Variants in KYNU observed in about 807,000 individuals in gnomAD.
The protein encoded by KYNU is kynureninase, also known as L-kynurenine hydrolase.
Under a neutral mutation model 59.2 loss-of-function variants are expected in KYNU, and 54 were observed. The observed-to-expected ratio is 0.91, with a 90% CI of 0.73 to 1.14. The LOEUF is 1.14. KYNU is among the 50% of genes most tolerant of loss of function. The pLI, the probability that KYNU is intolerant of heterozygous loss-of-function variation, is 0.00. For synonymous variants in KYNU, 177 were observed against 192.0 expected (o/e 0.92, Z 0.65); for missense variants, 567 against 554.4 (o/e 1.02, Z -0.23).
At chr2:143,016,730 T>C (rs1051853721) in intron 10 of KYNU, among the ~76,000 whole-genome samples, 2 of 152,156 alleles carry the variant, frequency 1.3e-5, no homozygotes, top group Non-Finnish European at 2.9e-5. Flanking sequence ...TATTTCTTAT[T>C]TTTTATTTTT....
intron 11 of KYNU, 105 bp from the exon 12 acceptor site, chr2:143,033,131 G>T: frequency 2.4e-6 from 2 of 825,486 alleles, no homozygotes; most frequent in South Asian, 1.4e-5. Flanking sequence ...TCCTACTTAG[G>T]AAGAAAAGTT....
intron 2 of KYNU, among the ~76,000 whole-genome samples, chr2:142,916,747 T>C (rs1682680290): frequency 6.6e-6 from 1 of 152,160 alleles, no homozygotes; most frequent in African/African-American, 2.4e-5. Flanking sequence ...TTCCAGGGAA[T>C]AAGAAGCAAA....
At chr2:142,918,493 A>T in intron 2 of KYNU, 116 bp from the exon 3 acceptor site, 3 of 1,154,272 alleles carry the variant, frequency 2.6e-6, no homozygotes, top group Non-Finnish European at 3.6e-6. Context: ...AGTAATTTTT[A>T]ATTACTTTTT....
chr2:142,896,810 C>T (rs74360662), intron 2 of KYNU, among the ~76,000 whole-genome samples: 6,277 of 152,194 alleles, frequency 0.041, 195 homozygotes, highest in South Asian at 0.12. Context: ...TGCATTTCAG[C>T]GTACAAGTTG....
At chr2:143,000,588 A>G (rs1685682410) in intron 10 of KYNU, among the ~76,000 whole-genome samples, 1 of 152,224 alleles carries the variant, frequency 6.6e-6, no homozygotes, top group Admixed American at 6.5e-5. Context: ...ATTTATTTTA[A>G]AGAAATGTTA....
chr2:142,895,771 A>G (rs1681851872), intron 2 of KYNU, among the ~76,000 whole-genome samples: 1 of 152,018 alleles, frequency 6.6e-6, no homozygotes, highest in African/African-American at 2.4e-5. Context: ...TGCAGCCTTG[A>G]TCTCCCTGGC....
intron 3 of KYNU, among the ~76,000 whole-genome samples, chr2:142,920,245 C>T (rs776183221): frequency 6.6e-6 from 1 of 152,100 alleles, no homozygotes; most frequent in South Asian, 2.1e-4. Flanking sequence ...AACTTTTATG[C>T]ATAATTTGCA....
intron 1 of KYNU, among the ~76,000 whole-genome samples, chr2:142,882,554 C>T (rs945686159): frequency 6.6e-6 from 1 of 152,100 alleles, no homozygotes; most frequent in African/African-American, 2.4e-5. Context: ...TGTTCAGTTC[C>T]CACCTGTGAG....
intron 4 of KYNU, chr2:142,947,964 G>A (rs1055284632): frequency 6.6e-6 from 1 of 152,010 alleles, no homozygotes; most frequent in Non-Finnish European, 1.5e-5. Context: ...GTCAGGCCTG[G>A]GTGCCTCTTT....
At chr2:142,936,034 G>A (rs532423801) in intron 4 of KYNU, among the ~76,000 whole-genome samples, 7 of 152,262 alleles carry the variant, frequency 4.6e-5, no homozygotes, top group South Asian at 2.1e-4. Context: ...TAAAGAAGGC[G>A]ATTGAGAGAA....
At chr2:143,023,091 G>T (rs1350123408) in intron 10 of KYNU, among the ~76,000 whole-genome samples, 1 of 151,558 alleles carries the variant, frequency 6.6e-6, no homozygotes, top group Non-Finnish European at 1.5e-5. Flanking sequence ...TTTTAAAATT[G>T]ATCTACAGTT....
chr2:142,905,552 G>A (rs978149029), intron 2 of KYNU, among the ~76,000 whole-genome samples: 1 of 152,192 alleles, frequency 6.6e-6, no homozygotes, highest in African/African-American at 2.4e-5. Flanking sequence ...ATTTTCAGTG[G>A]TTAGTGTTAA....
intron 4 of KYNU, among the ~76,000 whole-genome samples, chr2:142,951,082 C>G (rs556282915): frequency 6.6e-6 from 1 of 152,150 alleles, no homozygotes; most frequent in African/African-American, 2.4e-5. Flanking sequence ...AAAATAATTA[C>G]AGTATTAACA....
chr2:143,042,232 A>G lies in KYNU; in HGVS notation c.*60A>G. The G allele has an allele frequency of 4.0e-6, 6 of 1,513,532 alleles. No individual in the cohort carries two copies. The African/African-American group carries it at 8.2e-5, about 21-fold the overall frequency. The allele number at this position is 1,513,532 out of a possible 1,614,324, so 93.8% of individuals were successfully genotyped here. On this transcript the variant is annotated 3_prime_UTR_variant, in exon 14 of 14. Transcript: ENST00000264170. Reference sequence around the variant, plus strand: ...TGAAAGCTGCTGTGGTTATTTCAGTATTATTCGATTTTTAATTATTGAAAG... The same window carrying G: ...TGAAAGCTGCTGTGGTTATTTCAGTGTTATTCGATTTTTAATTATTGAAAG...
intron 4 of KYNU, among the ~76,000 whole-genome samples, chr2:142,945,912 A>G (rs1683761617): frequency 6.6e-6 from 1 of 151,274 alleles, no homozygotes; most frequent in Non-Finnish European, 1.5e-5. Flanking sequence ...TAATTTTTAT[A>G]ATTTTAGTAG....
chr2:142,962,170 A>G (rs904866461), intron 8 of KYNU, among the ~76,000 whole-genome samples: 3 of 152,244 alleles, frequency 2.0e-5, no homozygotes. Flanking sequence ...CTGCTTCCTT[A>G]GTATACACGT....
In KYNU at chr2:143,055,282, T is replaced by G. The variant is rs1687334629; in HGVS notation, c.*13110T>G. ...GCAGGGTGACGTTTCTTTCTGGAGG[T>G]TCCAGGGGGAACTCTGTTTTCTTAC... On this transcript the variant is annotated 3_prime_UTR_variant, in exon 14 of 14. Coordinates refer to ENST00000264170, the MANE Select transcript of KYNU (RefSeq NM_003937.3). 6.6e-6 allele frequency: 1 copy of G among 151,750 alleles called. No individual in the cohort carries two copies. Among genetic ancestry groups the G allele is most frequent in the Non-Finnish European group, 1.5e-5 (1 of 67,942 alleles). The allele number at this position is 151,750 out of a possible 1,614,324, so 9.4% of individuals were successfully genotyped here.
At chr2:142,989,448 T>G in intron 10 of KYNU, 1 of 984,788 alleles carries the variant, frequency 1.0e-6, no homozygotes. Flanking sequence ...CTGCTATTGA[T>G]GTCACACTTT....
chr2:143,007,353 G>C (rs1685945297), intron 10 of KYNU, among the ~76,000 whole-genome samples: 2 of 149,980 alleles, frequency 1.3e-5, no homozygotes, highest in Non-Finnish European at 2.9e-5. Flanking sequence ...GGGAAGTTTA[G>C]AGAAAAACGA....
Sources: allele counts gnomAD v4.1 joint callset (sites outside exome capture counted in the v4.1 genomes callset), GRCh38; gene constraint gnomAD v4.1.1; transcripts MANE v1.5; gene names NCBI Gene and HGNC (gene_info 2026-07-23, HGNC 2026-07-21).